PDLIM2: variants seen among roughly 807,000 people sequenced by gnomAD.
PDLIM2 encodes the protein PDZ and LIM domain protein 2.
A neutral mutation model predicts 54.1 loss-of-function variants in PDLIM2; 51 were observed. The ratio of observed to expected loss-of-function variants is 0.94; its 90% CI spans 0.75 to 1.19. PDLIM2 has a LOEUF of 1.19. Ranked by LOEUF, PDLIM2 falls within the 50% of genes most tolerant of loss-of-function variation. PDLIM2 has a pLI of 0.00. For synonymous variants in PDLIM2, 398 were observed against 385.6 expected, an observed-to-expected ratio of 1.03 and a Z score of -0.38; for missense variants, 912 against 874.0, an observed-to-expected ratio of 1.04 and a Z score of -0.55.
intron 3 of PDLIM2, among the ~76,000 whole-genome samples, chr8:22,584,331 C>T (rs1800305631): frequency 1.3e-5 from 2 of 151,876 alleles, no homozygotes; most frequent in South Asian, 4.1e-4. Context: ...TTTTTTGAGA[C>T]AGAATCTCGC....
chr8:22,594,059 C>G, exon 10 of PDLIM2: 3 of 1,446,156 alleles, frequency 2.1e-6, no homozygotes, highest in Non-Finnish European at 2.7e-6. Context: ...GGGCCAAGGT[C>G]TGGGACCTGT....
intron 6 of PDLIM2, 51 bp from the exon 6 acceptor site, chr8:22,589,247 T>TTGGCCCAAGGCTC: frequency 6.5e-7 from 1 of 1,526,800 alleles, no homozygotes; most frequent in Non-Finnish European, 8.8e-7. Context: ...CCTGGGTGTG[T>TTGGCCCAAGGCTC]TGGCCCAAGG....
intron 6 of PDLIM2, 48 bp from the exon 6 acceptor site, chr8:22,589,250 G>GCC: frequency 6.5e-7 from 1 of 1,528,466 alleles, no homozygotes; most frequent in Non-Finnish European, 8.8e-7. Context: ...GGGTGTGTTG[G>GCC]CCCAAGGCTC....
rs562518988 is a variant in PDLIM2, at chr8:22,585,923, C to A, written c.1290+524C>A. 1.6e-3 allele frequency among the ~76,000 whole-genome samples: 245 copies of A among 151,860 alleles called. 1 individual carries two copies. The highest frequency in any genetic ancestry group is 1.3e-3 in the Non-Finnish European group (86 of 67,970). ...TTCTGTCTCCTCCTCCCCCTACCCC[C>A]GCCAGCTCCCCTGGACTCTCTTTCA... On this transcript the variant is annotated intron_variant, in intron 6 of 9. Coordinates refer to ENST00000308354, the Ensembl canonical transcript of PDLIM2.
chr8:22,579,123 T>C, exon 1 of PDLIM2: 2 of 1,278,126 alleles, frequency 1.6e-6, no homozygotes, highest in Non-Finnish European at 2.0e-6. Flanking sequence ...CCGGGCGGGC[T>C]CTCCCCAGAG....
At chr8:22,580,113 C>G (rs568773428) in intron 1 of PDLIM2, 4 of 229,296 alleles carry the variant, frequency 1.7e-5, no homozygotes, top group African/African-American at 9.3e-5. Context: ...TTCCTTGACC[C>G]GTCACTCCTG....
intron 3 of PDLIM2, among the ~76,000 whole-genome samples, chr8:22,581,813 G>C (rs1364450777): frequency 1.3e-5 from 2 of 152,262 alleles, no homozygotes; most frequent in African/African-American, 4.8e-5. Context: ...GCCCGGGTTT[G>C]ACTGGTTCCC....
intron 9 of PDLIM2, chr8:22,592,077 C>CTTTTCTTTTCT (rs143613807): frequency 1.1e-5 from 1 of 95,188 alleles, no homozygotes; most frequent in African/African-American, 4.9e-5. Context: ...TCTTTCTTTT[C>CTTTTCTTTTCT]TTTTTTTTTT....
chr8:22,578,946 G>T, exon 1 of PDLIM2: 1 of 1,238,230 alleles, frequency 8.1e-7, no homozygotes, highest in South Asian at 4.0e-5. Context: ...CCGGCTGGAC[G>T]GTCGCAGCCT....
At chr8:22,587,541 T>C (rs574724619) in intron 6 of PDLIM2, among the ~76,000 whole-genome samples, 2 of 151,968 alleles carry the variant, frequency 1.3e-5, no homozygotes, top group Non-Finnish European at 2.9e-5. Context: ...CATCCTTGCG[T>C]TCCCCAGCAC....
Position 22,589,629 on chromosome 8 carries a change from C to G in PDLIM2, c.1401C>G (p.Asp467Glu), listed in dbSNP as rs142808485. 260 of 1,598,490 alleles carry G rather than the reference C, an allele frequency of 1.6e-4. No individual in the cohort carries two copies. The African/African-American group carries it at 3.0e-3, about 19-fold the overall frequency. The change falls in exon 8 of 10, where the codon GAC (aspartate) becomes GAG (glutamate). Residue 467 changes from aspartate (D) to glutamate (E), a missense_variant. Coordinates refer to ENST00000308354, the Ensembl canonical transcript of PDLIM2. ...CGGAAGGGGGAAGCCTCCTCCTGGACGAGGACTCGGAAGTCTTCAAGATGC... is the reference window on the plus strand; with the variant it reads ...CGGAAGGGGGAAGCCTCCTCCTGGAGGAGGACTCGGAAGTCTTCAAGATGC...
chr8:22,586,073 C>T (rs4872004), intron 6 of PDLIM2, among the ~76,000 whole-genome samples: 52,181 of 151,908 alleles, frequency 0.34, 9,454 homozygotes, highest in East Asian at 0.73. Flanking sequence ...CTGCTGGGGA[C>T]GGCGTGGGGG....
intron 1 of PDLIM2, chr8:22,579,594 G>C: frequency 7.2e-7 from 1 of 1,396,798 alleles, no homozygotes; most frequent in Non-Finnish European, 9.3e-7. Context: ...GCTGGGAACA[G>C]AGGCTAGGCC....
intron 6 of PDLIM2, among the ~76,000 whole-genome samples, chr8:22,587,304 G>A (rs577081275): frequency 8.5e-5 from 13 of 152,102 alleles, no homozygotes; most frequent in Non-Finnish European, 1.3e-4. Context: ...AGGCTGGGGC[G>A]GGAGGATTGC....
intron 6 of PDLIM2, among the ~76,000 whole-genome samples, chr8:22,587,128 G>A (rs1255052159): frequency 5.3e-5 from 8 of 152,188 alleles, no homozygotes; most frequent in Non-Finnish European, 8.8e-5. Flanking sequence ...GGATGCAATC[G>A]TGGAAAAACA....
chr8:22,579,581 G>C, intron 1 of PDLIM2: 1 of 1,418,856 alleles, frequency 7.0e-7, no homozygotes, highest in East Asian at 3.0e-5. Flanking sequence ...GGGTGGGGGC[G>C]GTGCTGGGAA....
intron 6 of PDLIM2, 168 bp downstream of exon 5, chr8:22,585,567 G>C (rs1800350386): frequency 4.9e-6 from 2 of 406,458 alleles, no homozygotes; most frequent in Non-Finnish European, 7.8e-6. Flanking sequence ...CCATGCTTCT[G>C]GTCGTGGGCC....
At chr8:22,581,528 C>A in exon 3 of PDLIM2, 2 of 1,574,790 alleles carry the variant, frequency 1.3e-6, no homozygotes, top group South Asian at 2.3e-5. Flanking sequence ...TGCAGCTGGA[C>A]CGGTAGGGCC....
At chr8:22,580,554 A>G (rs776489637) in intron 1 of PDLIM2, 42 of 1,612,778 alleles carry the variant, frequency 2.6e-5, no homozygotes, top group Non-Finnish European at 3.5e-5. Context: ...CAGTGCCCCC[A>G]GAGCCGGCTA....
Sources: allele counts gnomAD v4.1 joint callset (sites outside exome capture counted in the v4.1 genomes callset), GRCh38; gene constraint gnomAD v4.1.1; transcripts MANE v1.5; gene names NCBI Gene and HGNC (gene_info 2026-07-23, HGNC 2026-07-21).